NOTCH4: variants seen among roughly 807,000 people sequenced by gnomAD.
The protein encoded by NOTCH4 is neurogenic locus notch homolog protein 4.
Under a neutral mutation model 189.0 loss-of-function variants are expected in NOTCH4, and 138 were observed. The ratio of observed to expected loss-of-function variants is 0.73; its 90% CI spans 0.64 to 0.84. NOTCH4 has a LOEUF of 0.84. Among genes scored for constraint, NOTCH4 ranks in the 40% least tolerant of loss-of-function variants. The pLI is 0.00. For missense variants in NOTCH4, 2,286 were observed against 2,605.4 expected (o/e 0.88, Z 2.67); for synonymous variants, 942 against 1,032.8 (o/e 0.91, Z 1.69).
At chr6:32,219,485 A>G in intron 8 of NOTCH4, 107 bp downstream of exon 8, 1 of 1,021,942 alleles carries the variant, frequency 9.8e-7, no homozygotes, top group Non-Finnish European at 1.4e-6. Context: ...ATCTGTGGTA[A>G]CTTACGCCAA....
rs1028052130 is a variant in NOTCH4 at position 32,221,460 on chromosome 6, T to A, written c.452-135A>T. ...CTTCCCTTTATTACCATACTTTCTT[T>A]GCTCTGTTCCATCACCCCTGCTCTG... On this transcript the variant is annotated intron_variant, in intron 3 of 29. Coordinates refer to ENST00000375023, the MANE Select transcript of NOTCH4 (RefSeq NM_004557.4). This position sits in a 1 kb window ranked among gnomAD's most constrained non-coding sequence, Gnocchi z 4.3. The A allele has an allele frequency of 1.2e-5, 8 of 679,722 alleles. No homozygotes were observed. Among genetic ancestry groups the A allele is most frequent in the African/African-American group, 5.4e-5 (3 of 55,358 alleles). The allele number at this position is 679,722 out of a possible 1,614,324, so 42.1% of individuals were successfully genotyped here. A position where few individuals can be genotyped will look rare whatever the true frequency, so the allele number is the denominator to read the frequency against.
In NOTCH4 at chr6:32,198,849, TTCTTA is replaced by T. The variant is rs1177503463; in HGVS notation, c.4535+72_4535+76del. ...CTATCTTTGACTTCTGCAATAGTAT[TTCTTA>T]TCTTTTCTGATTGTAAATATCGCCA... On this transcript the variant is annotated intron_variant, in intron 24 of 29. Transcript: ENST00000375023. This position sits in a 1 kb window ranked among gnomAD's most constrained non-coding sequence, Gnocchi z 5.5. The T allele has an allele frequency of 4.9e-5, 72 of 1,469,788 alleles. No individual in the cohort carries two copies. The highest frequency in any genetic ancestry group is 1.8e-4 in the Middle Eastern group (1 of 5,546). The allele number at this position is 1,469,788 out of a possible 1,614,324, so 91.0% of individuals were successfully genotyped here. A position where few individuals can be genotyped will look rare whatever the true frequency, so the allele number is the denominator to read the frequency against.
intron 11 of NOTCH4, 90 bp from the exon 12 acceptor site, chr6:32,215,475 T>C: frequency 7.6e-7 from 1 of 1,309,090 alleles, no homozygotes; most frequent in Non-Finnish European, 1.0e-6. Context: ...CAAAGCCACT[T>C]CTTATGCTTG....
intron 11 of NOTCH4, chr6:32,216,581 A>G (rs1276052849): frequency 7.8e-6 from 3 of 383,126 alleles, no homozygotes; most frequent in African/African-American, 4.1e-5. Context: ...GTCTCTCTGT[A>G]TTAGACTTAA....
rs139764075 is a variant in NOTCH4, at chr6:32,198,610, T to C, written c.4617+39A>G. On this transcript the variant is annotated intron_variant, in intron 25 of 29. Coordinates refer to ENST00000375023, the MANE Select transcript of NOTCH4 (RefSeq NM_004557.4). This position sits in a 1 kb window ranked among gnomAD's most constrained non-coding sequence, Gnocchi z 5.5. ...AAGGTTGATTTGCCCTTTCATCCCT[T>C]CCATCACCTCCAGACCATTCTTGCC... 316 of 1,610,930 alleles carry C rather than the reference T, an allele frequency of 2.0e-4. 1 individual carries two copies. In the African/African-American group the frequency reaches 3.8e-3, roughly 19 times the overall value.
Position 32,202,554 on chromosome 6 carries a change from A to G in NOTCH4, c.3277T>C (p.Phe1093Leu). ...TCSHRAPSCG[F>L]HHCHHGGLCL... is the part of the protein sequence containing the mutation. ...AGGCCTCCGTGGTGGCAGTGATGGAAGCCGCAGGAAGGGGCCCTGTGGCTG... is the reference window on the plus strand; with the variant it reads ...AGGCCTCCGTGGTGGCAGTGATGGAGGCCGCAGGAAGGGGCCCTGTGGCTG... Residue 1093 changes from phenylalanine to leucine, a missense_variant, in exon 21 of 30, where the codon TTC becomes CTC. This residue lies in a region of NOTCH4 where 1,903 missense variants were observed against 2,261.9 expected (regional missense o/e 0.84). Transcript: ENST00000375023. The surrounding 1 kb of genome is among the most constrained non-coding windows in gnomAD (Gnocchi z 5.7). 1 of 1,604,614 alleles carries G rather than the reference A, an allele frequency of 6.2e-7. No homozygotes were observed. The highest frequency in any genetic ancestry group is 8.5e-7 in the Non-Finnish European group (1 of 1,173,346).
At position 32,221,103 on chromosome 6, in the gene NOTCH4, C is replaced by T; in HGVS notation, c.674G>A (p.Gly225Glu). Reference protein sequence around the residue: ...LGSFQCLCPVGQEGPRCELRA... With the variant: ...LGSFQCLCPVEQEGPRCELRA... ...CAGCTCACAACGTGGACCCTCCTGC[C>T]CCACAGGGCAGAGGCACTGGAAGGA... Residue 225 changes from glycine (G) to glutamate (E), a missense_variant, in exon 4 of 30, where the codon GGG (glycine) becomes GAG (glutamate). By Grantham distance (98) the Gly-to-Glu change is moderately conservative. Coordinates refer to ENST00000375023, the MANE Select transcript of NOTCH4 (RefSeq NM_004557.4). This position sits in a 1 kb window ranked among gnomAD's most constrained non-coding sequence, Gnocchi z 4.3. The T allele has an allele frequency of 6.2e-7, 1 of 1,613,096 alleles. No homozygotes were observed. The highest frequency in any genetic ancestry group is 1.1e-5 in the South Asian group (1 of 91,084).
chr6:32,219,866 G>A, intron 7 of NOTCH4, 80 bp from the exon 8 acceptor site: 2 of 1,237,620 alleles, frequency 1.6e-6, no homozygotes, highest in African/African-American at 1.5e-5. Flanking sequence ...GGAAGGTGTG[G>A]GGGCCTGCGT....
chr6:32,204,292 C>G lies in NOTCH4; in HGVS notation c.2963G>C (p.Gly988Ala). ...TGGAGGGCAGGCACAGTGGAATCCTCCAGGTTTGGGAGTACAGGTTCCATG... is the reference window on the plus strand; with the variant it reads ...TGGAGGGCAGGCACAGTGGAATCCTGCAGGTTTGGGAGTACAGGTTCCATG... ...HNHGTCTPKP[G>A]GFHCACPPGF... Residue 988 changes from glycine (G) to alanine (A), a missense_variant, in exon 19 of 30, where the codon GGA becomes GCA. Gly to Ala is a moderately conservative substitution (Grantham distance 60). Coordinates refer to ENST00000375023, the MANE Select transcript of NOTCH4 (RefSeq NM_004557.4). 9.3e-6 allele frequency: 15 copies of G among 1,613,062 alleles called. No homozygotes were observed. Among genetic ancestry groups the G allele is most frequent in the Non-Finnish European group, 1.3e-5 (15 of 1,180,020 alleles).
Position 32,198,378 on chromosome 6 carries a change from A to C in NOTCH4, c.4756+43T>G. On this transcript the variant is annotated intron_variant, in intron 26 of 29. Transcript: ENST00000375023. This position sits in a 1 kb window ranked among gnomAD's most constrained non-coding sequence, Gnocchi z 5.5. Reference sequence around the variant, plus strand: ...GGACTCTCTGATTCTAATAGGGTCAAAGGACTTTTTTTTTTTTTCTTGGTC... The same window carrying C: ...GGACTCTCTGATTCTAATAGGGTCACAGGACTTTTTTTTTTTTTCTTGGTC... The C allele has an allele frequency of 6.4e-7, 1 of 1,564,802 alleles. No homozygotes were observed. Among genetic ancestry groups the C allele is most frequent in the Non-Finnish European group, 8.7e-7 (1 of 1,154,554 alleles).
In NOTCH4 at chr6:32,200,063, C is replaced by T. The variant is rs866727774; in HGVS notation, c.4315+768G>A. Among the ~76,000 whole-genome samples, 2 of 151,990 alleles carry T rather than the reference C, an allele frequency of 1.3e-5. No individual in the cohort carries two copies. The highest frequency in any genetic ancestry group is 2.9e-5 in the Non-Finnish European group (2 of 68,012). On this transcript the variant is annotated intron_variant, in intron 23 of 29. Transcript: ENST00000375023. The surrounding 1 kb of genome is among the most constrained non-coding windows in gnomAD (Gnocchi z 5.0). ...TAATGCAAATATTCCAAAATAAATC[C>T]GAAATCTGAAACACTTTTGTTCCCA...
In NOTCH4 at chr6:32,223,942, C is replaced by T. The variant is rs1315114375; in HGVS notation, c.-14G>A. ...AGGGGGCTGCATTCCACAGCCCCTT[C>T]TCCAAGCCCCGGTCCCTGTCCCTCT... On this transcript the variant is annotated 5_prime_UTR_variant, in exon 1 of 30. Transcript: ENST00000375023. 1.3e-6 allele frequency: 2 copies of T among 1,593,604 alleles called. No homozygotes were observed. Among genetic ancestry groups the T allele is most frequent in the Non-Finnish European group, 1.7e-6 (2 of 1,175,732 alleles).
chr6:32,221,307 C>G lies in NOTCH4; in HGVS notation c.470G>C (p.Arg157Pro), dbSNP rs149758111. 1.2e-6 allele frequency: 2 copies of G among 1,612,408 alleles called. No individual in the cohort carries two copies. The highest frequency in any genetic ancestry group is 2.2e-5 in the East Asian group (1 of 44,882). ...ACATGGGTTGGCTGAACAGAAGTCC[C>G]GAAGCTGGCACTGCTCACCTGAGGC... ...PGWTGEQCQLRDFCSANPCVN... is the reference protein window; with the variant it reads ...PGWTGEQCQLPDFCSANPCVN... Residue 157 changes from arginine to proline, a missense_variant, in exon 4 of 30, where the codon CGG becomes CCG. Physicochemically the swap from Arg to Pro is moderately radical, Grantham distance 103. Around this residue, in one of 2 missense-constraint regions of NOTCH4, gnomAD observed 1,903 missense variants for 2,261.9 expected, o/e 0.84. Transcript: ENST00000375023. The surrounding 1 kb of genome is among the most constrained non-coding windows in gnomAD (Gnocchi z 4.3).
intron 7 of NOTCH4, among the ~76,000 whole-genome samples, 165 bp from the exon 8 acceptor site, chr6:32,219,951 G>A (rs1414184633): frequency 3.3e-5 from 5 of 152,218 alleles, no homozygotes; most frequent in Non-Finnish European, 5.9e-5. Context: ...CAAACTCATG[G>A]GGACTGAGGG....
In NOTCH4 at chr6:32,210,789, G is replaced by A. The variant is rs762694349; in HGVS notation, c.2828C>T (p.Ala943Val). ...PCESRPCQNG[A>V]TCMAQPSGYL... is the part of the protein sequence containing the mutation. ...CCCACTGGGCTGGGCCATGCAGGTGGCCCCGTTCTGGCAAGGCCTGGACTC... is the reference window on the plus strand; with the variant it reads ...CCCACTGGGCTGGGCCATGCAGGTGACCCCGTTCTGGCAAGGCCTGGACTC... Residue 943 changes from alanine (A) to valine (V), a missense_variant, in exon 18 of 30, where the codon GCC becomes GTC. Coordinates refer to ENST00000375023, the MANE Select transcript of NOTCH4 (RefSeq NM_004557.4). The surrounding 1 kb of genome is among the most constrained non-coding windows in gnomAD (Gnocchi z 4.8). 6 of 1,612,936 alleles carry A rather than the reference G, an allele frequency of 3.7e-6. No individual in the cohort carries two copies. The Admixed American group carries it at 8.3e-5, about 22-fold the overall frequency.
intron 1 of NOTCH4, among the ~76,000 whole-genome samples, chr6:32,223,425 G>A (rs574968814): frequency 2.3e-4 from 35 of 152,206 alleles, no homozygotes; most frequent in African/African-American, 8.2e-4. Flanking sequence ...ATTTCCTCCC[G>A]GAAAGGCCGA....
At chr6:32,207,945 A>G (rs1788793517) in intron 18 of NOTCH4, among the ~76,000 whole-genome samples, 1 of 150,326 alleles carries the variant, frequency 6.7e-6, no homozygotes, top group Admixed American at 6.7e-5. Context: ...CAAAGGTTGC[A>G]GTGAGTCAAA....
rs368095514 is a variant in NOTCH4, at chr6:32,195,454, C to T, written c.5995G>A (p.Gly1999Arg). 10 of 1,602,394 alleles carry T rather than the reference C, an allele frequency of 6.2e-6. No individual in the cohort carries two copies. The highest frequency in any genetic ancestry group is 8.5e-6 in the Non-Finnish European group (10 of 1,174,396). Residue 1999 changes from glycine to arginine, a missense_variant, in exon 30 of 30, where the codon GGA (glycine) becomes AGA (arginine). Gly to Arg is a moderately radical substitution (Grantham distance 125). This residue lies in a region of NOTCH4 where 383 missense variants were observed against 343.5 expected (regional missense o/e 1.11). Coordinates refer to ENST00000375023, the MANE Select transcript of NOTCH4 (RefSeq NM_004557.4). This position sits in a 1 kb window ranked among gnomAD's most constrained non-coding sequence, Gnocchi z 5.4. ...ALQEMPINQG[G>R]EGKK is the part of the protein sequence containing the mutation. ...GTATTCTTCTATTTTTTACCCTCTCCTCCTTGGTTTATGGGCATTTCTTGG... is the reference window on the plus strand; with the variant it reads ...GTATTCTTCTATTTTTTACCCTCTCTTCCTTGGTTTATGGGCATTTCTTGG...
chr6:32,207,349 C>T (rs1055043133), intron 18 of NOTCH4, among the ~76,000 whole-genome samples: 1 of 148,798 alleles, frequency 6.7e-6, no homozygotes, highest in Non-Finnish European at 1.5e-5. Flanking sequence ...CTAGGCCGGG[C>T]GGGGTGGCTC....
Sources: allele counts gnomAD v4.1 joint callset (sites outside exome capture counted in the v4.1 genomes callset), GRCh38; gene constraint gnomAD v4.1.1; regional missense constraint gnomAD v4.1.1; non-coding constraint Gnocchi (gnomAD v3.1); transcripts MANE v1.5; gene names NCBI Gene and HGNC (gene_info 2026-07-23, HGNC 2026-07-21).